Variants in PIK3C3 observed in about 807,000 individuals in gnomAD.
PIK3C3 encodes the protein phosphatidylinositol 3-kinase catalytic subunit type 3.
In PIK3C3, 95 loss-of-function variants were observed where a neutral mutation model predicts 126.1. That is an observed-to-expected ratio of 0.75 (90% CI 0.64 to 0.89). PIK3C3 has a LOEUF of 0.89. Ranked by LOEUF, PIK3C3 falls within the 40% of genes least tolerant of loss-of-function variation. The pLI, the probability that PIK3C3 is intolerant of heterozygous loss-of-function variation, is 0.00. For synonymous variants in PIK3C3, 374 were observed against 360.0 expected (o/e 1.04, Z -0.44); for missense variants, 829 against 1,063.2 (o/e 0.78, Z 3.06).
At chr18:42,029,835 G>A (rs980051879) in intron 15 of PIK3C3, among the ~76,000 whole-genome samples, 3 of 151,916 alleles carry the variant, frequency 2.0e-5, no homozygotes, top group East Asian at 1.9e-4. Context: ...GAGCCACTGC[G>A]CCCGGCCTAT....
chr18:42,033,443 A>G (rs966705405), intron 15 of PIK3C3, among the ~76,000 whole-genome samples: 8 of 152,214 alleles, frequency 5.3e-5, no homozygotes, highest in African/African-American at 1.9e-4. Context: ...ATATTTGGTC[A>G]TGCAAAATTA....
At chr18:41,973,559 T>G (rs1228018686) in intron 4 of PIK3C3, among the ~76,000 whole-genome samples, 1 of 152,130 alleles carries the variant, frequency 6.6e-6, no homozygotes, top group African/African-American at 2.4e-5. Flanking sequence ...TTATTATTAT[T>G]ATTCTTAAAT....
chr18:41,979,064 T>TAA (rs5824388), intron 4 of PIK3C3, among the ~76,000 whole-genome samples: 20,080 of 93,344 alleles, frequency 0.22, 2,375 homozygotes, highest in South Asian at 0.33. Context: ...CCCCGTCTCT[T>TAA]AAAAAAAAAA....
chr18:42,043,685 T>A (rs376815298), intron 19 of PIK3C3, 48 bp from the exon 20 acceptor site: 2 of 1,227,280 alleles, frequency 1.6e-6, no homozygotes, highest in African/African-American at 3.0e-5. Flanking sequence ...AACACCTAGT[T>A]TGTTTGTTTG....
At chr18:41,997,168 G>T (rs1331549294) in intron 9 of PIK3C3, among the ~76,000 whole-genome samples, 1 of 152,056 alleles carries the variant, frequency 6.6e-6, no homozygotes, top group Non-Finnish European at 1.5e-5. Context: ...CTTTGAACCT[G>T]GGTGACTAGG....
intron 12 of PIK3C3, 150 bp downstream of exon 12, chr18:42,015,716 C>A: frequency 1.6e-6 from 1 of 626,694 alleles, no homozygotes; most frequent in Admixed American, 2.8e-5. Context: ...TATAACTTTT[C>A]CCCCTCAGCA....
chr18:42,003,873 A>G lies in PIK3C3; in HGVS notation c.985-483A>G, dbSNP rs536254127. Among the ~76,000 whole-genome samples the G allele has an allele frequency of 1.8e-4, 27 of 152,334 alleles. 1 individual carries two copies. Among genetic ancestry groups the G allele is most frequent in the African/African-American group, 6.3e-4 (26 of 41,568 alleles). ...ATCGTTTGAGTCTTCATGTTTAAGT[A>G]TCTGCGAAAGCCGGTGGTCATACTC... On this transcript the variant is annotated intron_variant, in intron 9 of 24. Coordinates refer to ENST00000262039, the MANE Select transcript of PIK3C3 (RefSeq NM_002647.4).
intron 6 of PIK3C3, among the ~76,000 whole-genome samples, chr18:41,992,876 A>ATGCAACACATCCAT (rs1981844889): frequency 6.6e-6 from 1 of 152,134 alleles, no homozygotes; most frequent in African/African-American, 2.4e-5. Context: ...TTTGCAAATG[A>ATGCAACACATCCAT]TGCAACACAT....
chr18:42,074,802 A>G (rs1249421566), intron 24 of PIK3C3, among the ~76,000 whole-genome samples: 2 of 152,048 alleles, frequency 1.3e-5, no homozygotes, highest in Non-Finnish European at 2.9e-5. Context: ...ATTGACCACT[A>G]ACACTGAATT....
chr18:42,008,267 T>C (rs1265628246), intron 10 of PIK3C3, among the ~76,000 whole-genome samples: 1 of 152,278 alleles, frequency 6.6e-6, no homozygotes, highest in African/African-American at 2.4e-5. Flanking sequence ...AGGAGACAGA[T>C]CCCATATTAG....
Position 42,043,836 on chromosome 18 carries a change from T to C in PIK3C3, c.2188+19T>C. On this transcript the variant is annotated intron_variant, in intron 20 of 24. Coordinates refer to ENST00000262039, the MANE Select transcript of PIK3C3 (RefSeq NM_002647.4). ...AGCTGTGGTAAGTTTTTCAGGCTATTACTTTCCATTGATCAGATAAAGAAG... is the reference window on the plus strand; with the variant it reads ...AGCTGTGGTAAGTTTTTCAGGCTATCACTTTCCATTGATCAGATAAAGAAG... 3 of 1,532,454 alleles carry C rather than the reference T, an allele frequency of 2.0e-6. No homozygotes were observed. The highest frequency in any genetic ancestry group is 1.1e-5 in the South Asian group (1 of 89,258). The allele number at this position is 1,532,454 out of a possible 1,614,324, so 94.9% of individuals were successfully genotyped here. A position where few individuals can be genotyped will look rare whatever the true frequency, so the allele number is the denominator to read the frequency against.
At chr18:42,074,192 A>G (rs1798376356) in intron 24 of PIK3C3, among the ~76,000 whole-genome samples, 1 of 152,154 alleles carries the variant, frequency 6.6e-6, no homozygotes. Context: ...AATATACCAT[A>G]ATGTGTTTTC....
chr18:41,977,614 A>G (rs1438300128), intron 4 of PIK3C3, among the ~76,000 whole-genome samples: 1 of 151,772 alleles, frequency 6.6e-6, no homozygotes, highest in Non-Finnish European at 1.5e-5. Context: ...CAGCCTGCTG[A>G]GTAGCTGGGA....
At chr18:41,987,734 C>T (rs1981559292) in intron 4 of PIK3C3, 78 bp from the exon 5 acceptor site, 2 of 857,670 alleles carry the variant, frequency 2.3e-6, no homozygotes. Flanking sequence ...GTGAAGTGTA[C>T]ATTGCCATTC....
intron 9 of PIK3C3, 80 bp downstream of exon 9, chr18:41,996,810 G>A (rs1982047764): frequency 1.3e-6 from 1 of 750,584 alleles, no homozygotes; most frequent in Admixed American, 2.6e-5. Context: ...AAAATGCCAT[G>A]GAAATTGTTA....
chr18:42,061,140 G>T (rs143996614), intron 22 of PIK3C3, among the ~76,000 whole-genome samples: 4 of 152,208 alleles, frequency 2.6e-5, no homozygotes, highest in African/African-American at 9.6e-5. Flanking sequence ...GAGAAAGAGT[G>T]CAGTTTCCTT....
intron 2 of PIK3C3, among the ~76,000 whole-genome samples, chr18:41,960,386 A>G (rs1009873477): frequency 6.6e-6 from 1 of 151,984 alleles, no homozygotes; most frequent in African/African-American, 2.4e-5. Flanking sequence ...AGGTTTTGAA[A>G]ATGGCTTTAG....
chr18:41,955,534 C>T, intron 1 of PIK3C3, 175 bp downstream of exon 1: 1 of 560,414 alleles, frequency 1.8e-6, no homozygotes, highest in Non-Finnish European at 3.2e-6. Context: ...GAGAGGGGCT[C>T]TTTTGGAAAA....
chr18:42,033,009 A>G (rs189278924), intron 15 of PIK3C3, among the ~76,000 whole-genome samples: 1 of 152,196 alleles, frequency 6.6e-6, no homozygotes, highest in African/African-American at 2.4e-5. Context: ...ACTTCCCAGT[A>G]GCATTGTAGT....
Sources: gnomAD v4.1 joint callset for allele counts (sites outside exome capture counted in the v4.1 genomes callset) on GRCh38, gnomAD v4.1.1 for gene constraint, MANE v1.5 for transcripts, NCBI Gene and HGNC (gene_info 2026-07-23, HGNC 2026-07-21) for gene names.